The following MYO18A variants were observed in gnomAD, a reference collection of about 807,000 sequenced individuals.
MYO18A encodes the protein myosin XVIIIA.
MYO18A carries 78 observed loss-of-function variants against 235.8 expected under a neutral mutation model. The ratio of observed to expected loss-of-function variants is 0.33; its 90% CI spans 0.28 to 0.40. The LOEUF is 0.40. Ranked by LOEUF, MYO18A falls within the 10% of genes least tolerant of loss-of-function variation. MYO18A has a pLI of 1.00. For missense variants in MYO18A, 2,215 were observed against 2,699.3 expected, an observed-to-expected ratio of 0.82 and a Z score of 3.98; for synonymous variants, 977 against 1,077.8, an observed-to-expected ratio of 0.91 and a Z score of 1.83.
In MYO18A at chr17:29,091,798, C is replaced by T. The variant is rs530480477; in HGVS notation, c.5187+545G>A. On this transcript the variant is annotated intron_variant, in intron 34 of 41. Transcript: ENST00000527372. ...AGGGGCCTGCCCACTGGGGTGGGTC[C>T]CAGGACCAGTGATGCTCAAGGAGCT... 233 of 394,310 alleles carry T rather than the reference C, an allele frequency of 5.9e-4. 1 individual carries two copies. Among genetic ancestry groups the T allele is most frequent in the South Asian group, 4.2e-3 (232 of 55,542 alleles). 24.4% of individuals were successfully genotyped at this position (394,310 alleles called of 1,614,324 possible). A position where few individuals can be genotyped will look rare whatever the true frequency, so the allele number is the denominator to read the frequency against.
intron 2 of MYO18A, among the ~76,000 whole-genome samples, chr17:29,124,266 G>T (rs532117913): frequency 1.3e-5 from 2 of 152,184 alleles, no homozygotes; most frequent in Non-Finnish European, 2.9e-5. Context: ...AATGTCTCAC[G>T]TTCAGGCATG....
chr17:29,101,362 A>G (rs999029232), intron 21 of MYO18A, among the ~76,000 whole-genome samples: 36 of 151,344 alleles, frequency 2.4e-4, no homozygotes, highest in African/African-American at 8.5e-4. Context: ...CTGGAATGCA[A>G]TGGTGCAATC....
intron 40 of MYO18A, among the ~76,000 whole-genome samples, chr17:29,083,893 G>T (rs2066184695): frequency 1.3e-5 from 2 of 152,242 alleles, no homozygotes; most frequent in Admixed American, 6.5e-5. Flanking sequence ...CCTTTAGAAA[G>T]GAGGTGCTGT....
chr17:29,080,258 C>T, intron 41 of MYO18A: 4 of 985,950 alleles, frequency 4.1e-6, no homozygotes, highest in Non-Finnish European at 3.6e-6. Context: ...CTCAAGACCT[C>T]GTTGACGGCA....
At position 29,109,802 on chromosome 17, in the gene MYO18A, G is replaced by C. The variant is rs532272987; in HGVS notation, c.3331+56C>G. On this transcript the variant is annotated intron_variant, in intron 19 of 41. Coordinates refer to ENST00000527372, the MANE Select transcript of MYO18A (RefSeq NM_078471.4). The surrounding 1 kb of genome is among the most constrained non-coding windows in gnomAD (Gnocchi z 4.1). ...CGGGTCGCAGGTGGGAGGTGGGGCC[G>C]GGCAGGGCCAGCTCTGGAAAAGAGA... 1 of 1,532,690 alleles carries C rather than the reference G, an allele frequency of 6.5e-7. No individual in the cohort carries two copies. Among genetic ancestry groups the C allele is most frequent in the Admixed American group, 2.0e-5 (1 of 50,470 alleles). The allele number at this position is 1,532,690 out of a possible 1,614,324, so 94.9% of individuals were successfully genotyped here.
In MYO18A at chr17:29,177,699, A is replaced by T. The variant is rs976572513; in HGVS notation, c.-82+2614T>A. ...TGGGAACCTGTCAATTACAGCAGAC[A>T]GTGGGCTGGGCCCTCCTACTGCCCC... On this transcript the variant is annotated intron_variant, in intron 1 of 41. Coordinates refer to ENST00000527372, the MANE Select transcript of MYO18A (RefSeq NM_078471.4). Among the ~76,000 whole-genome samples the T allele has an allele frequency of 1.3e-5, 2 of 152,186 alleles. 1 individual carries two copies. The highest frequency in any genetic ancestry group is 4.1e-4 in the South Asian group (2 of 4,830).
chr17:29,082,746 A>G, intron 40 of MYO18A, among the ~76,000 whole-genome samples: 1 of 151,930 alleles, frequency 6.6e-6, no homozygotes, highest in East Asian at 1.9e-4. Context: ...AAGACCATCC[A>G]CTCATCAATT....
rs1462694236 is a variant in MYO18A at position 29,118,677 on chromosome 17, C to T, written c.1830-237G>A. ...GACATGCCCTGGTGAGAGGATGCAA[C>T]CTGGCCCCCGGAAGGGAGCAGGGAA... On this transcript the variant is annotated intron_variant, in intron 8 of 41. Coordinates refer to ENST00000527372, the MANE Select transcript of MYO18A (RefSeq NM_078471.4). The surrounding 1 kb of genome is among the most constrained non-coding windows in gnomAD (Gnocchi z 4.2). 6.6e-6 allele frequency among the ~76,000 whole-genome samples: 1 copy of T among 152,260 alleles called. No homozygotes were observed. Among genetic ancestry groups the T allele is most frequent in the Non-Finnish European group, 1.5e-5 (1 of 68,044 alleles).
In MYO18A at chr17:29,093,351, T is replaced by A. The variant is rs758428229; in HGVS notation, c.4898A>T (p.Glu1633Val). ...GTCGCTGAGGGTGGCGAGCTTGCCC[T>A]CCAGCTCCCGCTTCTCTCGCAGAAC... is the stretch of plus-strand genomic sequence containing the variant. ...QKVLREKRELEGKLATLSDQV... is the reference protein window; with the variant it reads ...QKVLREKRELVGKLATLSDQV... Residue 1633 changes from glutamate (E) to valine (V), a missense_variant, in exon 32 of 42, where the codon GAG becomes GTG. Physicochemically the swap from Glu to Val is moderately radical, Grantham distance 121 (BLOSUM62 -2). Coordinates refer to ENST00000527372, the MANE Select transcript of MYO18A (RefSeq NM_078471.4). 4.3e-6 allele frequency: 7 copies of A among 1,612,506 alleles called. No homozygotes were observed. The highest frequency in any genetic ancestry group is 5.9e-6 in the Non-Finnish European group (7 of 1,179,690).
At chr17:29,155,039 G>A (rs191826928) in intron 2 of MYO18A, among the ~76,000 whole-genome samples, 12 of 152,292 alleles carry the variant, frequency 7.9e-5, no homozygotes, top group Admixed American at 6.5e-4. Flanking sequence ...ATGAAACTGG[G>A]TGTCACGGAG....
At chr17:29,144,655 C>G (rs765436126) in intron 2 of MYO18A, among the ~76,000 whole-genome samples, 9 of 152,166 alleles carry the variant, frequency 5.9e-5, no homozygotes, top group Non-Finnish European at 1.2e-4. Flanking sequence ...ACATGTAAAG[C>G]AACTGATGTG....
At chr17:29,148,234 ACTC>A (rs2152941272) in intron 2 of MYO18A, among the ~76,000 whole-genome samples, 2 of 152,248 alleles carry the variant, frequency 1.3e-5, no homozygotes, top group East Asian at 3.9e-4. Context: ...GTAAATCAAA[ACTC>A]CTAAAAAAAA....
intron 22 of MYO18A, 88 bp downstream of exon 22, chr17:29,099,546 C>A (rs2093407927): frequency 9.3e-6 from 14 of 1,500,480 alleles, no homozygotes; most frequent in Non-Finnish European, 1.2e-5. Context: ...GAGGTTCCTG[C>A]CTCTTCTCCC....
At chr17:29,169,605 T>C (rs543973312) in intron 1 of MYO18A, among the ~76,000 whole-genome samples, 34 of 152,296 alleles carry the variant, frequency 2.2e-4, no homozygotes, top group Non-Finnish European at 4.0e-4. Context: ...CAGCTGTTAC[T>C]GCCCACCTTA....
At position 29,090,026 on chromosome 17, in the gene MYO18A, C is replaced by T; in HGVS notation, c.5461G>A (p.Glu1821Lys). Residue 1821 changes from glutamate (E) to lysine (K), a missense_variant, in exon 37 of 42, where the codon GAA becomes AAA. Glu to Lys is a moderately conservative substitution (Grantham distance 56). Coordinates refer to ENST00000527372, the MANE Select transcript of MYO18A (RefSeq NM_078471.4). ...GTCTCCAGCTCCCGTATCTTAGCTT[C>T]CTGCCTGCTCACCAGGGACTTGTCC... ...MVDKSLVSRQ[E>K]AKIRELETRL... is the part of the protein sequence containing the mutation. The T allele has an allele frequency of 5.0e-6, 8 of 1,614,046 alleles. No individual in the cohort carries two copies. The highest frequency in any genetic ancestry group is 6.8e-6 in the Non-Finnish European group (8 of 1,179,884).
At chr17:29,114,540 A>T (rs907716110) in intron 14 of MYO18A, among the ~76,000 whole-genome samples, 5 of 152,318 alleles carry the variant, frequency 3.3e-5, no homozygotes, top group African/African-American at 4.8e-5. Flanking sequence ...GAAGGCACTA[A>T]ATCATCACCT....
rs1018150416 is a variant in MYO18A at position 29,125,307 on chromosome 17, C to T, written c.1000-3054G>A. On this transcript the variant is annotated intron_variant, in intron 2 of 41. Coordinates refer to ENST00000527372, the MANE Select transcript of MYO18A (RefSeq NM_078471.4). The surrounding 1 kb of genome is among the most constrained non-coding windows in gnomAD (Gnocchi z 5.1). Reference sequence around the variant, plus strand: ...GAATCTCTTCCTCAACCCCGACGTACCCTATAGCACTCCCACCTCTGCCAG... The same window carrying T: ...GAATCTCTTCCTCAACCCCGACGTATCCTATAGCACTCCCACCTCTGCCAG... 6.6e-6 allele frequency among the ~76,000 whole-genome samples: 1 copy of T among 152,202 alleles called. No individual in the cohort carries two copies. The highest frequency in any genetic ancestry group is 1.5e-5 in the Non-Finnish European group (1 of 68,036).
At chr17:29,114,342 T>C (rs2067005906) in intron 14 of MYO18A, 4 of 498,910 alleles carry the variant, frequency 8.0e-6, no homozygotes, top group Admixed American at 6.8e-5. Flanking sequence ...CTCACATGAG[T>C]TGATTAGGCA....
chr17:29,124,765 G>A (rs1567614219), intron 2 of MYO18A: 2 of 1,162,722 alleles, frequency 1.7e-6, no homozygotes, highest in Non-Finnish European at 2.2e-6. Context: ...CCTTCAGCAA[G>A]TGCTCCTGAG....
Sources: gnomAD v4.1 joint callset for allele counts (sites outside exome capture counted in the v4.1 genomes callset) on GRCh38, gnomAD v4.1.1 for gene constraint, Gnocchi (gnomAD v3.1) non-coding constraint, MANE v1.5 for transcripts, NCBI Gene and HGNC (gene_info 2026-07-23, HGNC 2026-07-21) for gene names.